ZKSCAN5: variants seen among roughly 807,000 people sequenced by gnomAD.
ZKSCAN5 encodes the protein zinc finger protein with KRAB and SCAN domains 5.
A neutral mutation model predicts 60.0 loss-of-function variants in ZKSCAN5; 28 were observed. That is an observed-to-expected ratio of 0.47 (90% CI 0.35 to 0.64). The LOEUF is 0.64. ZKSCAN5 is among the 30% of genes least tolerant of loss of function. The pLI is 0.01. For synonymous variants in ZKSCAN5, 361 were observed against 371.2 expected, an observed-to-expected ratio of 0.97 and a Z score of 0.31; for missense variants, 881 against 1,034.6, an observed-to-expected ratio of 0.85 and a Z score of 2.04.
Position 99,506,239 on chromosome 7 carries a change from G to A in ZKSCAN5, c.195G>A (p.Arg65=), listed in dbSNP as rs768105859. Residue 65 remains arginine (R), a synonymous_variant, in exon 2 of 7, where the codon CGG becomes CGA. Coordinates refer to ENST00000326775, the MANE Select transcript of ZKSCAN5 (RefSeq NM_145102.4). ...HFQYHEASGP[R]EALSQLRVLC... is the part of the protein sequence containing the mutation. ...AGTACCATGAGGCTTCAGGACCCCG[G>A]GAGGCTCTCAGCCAACTCCGGGTGC... 1 of 1,614,202 alleles carries A rather than the reference G, an allele frequency of 6.2e-7. No homozygotes were observed. Among genetic ancestry groups the A allele is most frequent in the Admixed American group, 1.7e-5 (1 of 60,022 alleles).
Position 99,531,544 on chromosome 7 carries a change from C to T in ZKSCAN5, c.1815C>T (p.Tyr605=), listed in dbSNP as rs753109388. 5 of 1,614,230 alleles carry T rather than the reference C, an allele frequency of 3.1e-6. No individual in the cohort carries two copies. The highest frequency in any genetic ancestry group is 2.2e-5 in the South Asian group (2 of 91,090). Residue 605 remains tyrosine, a synonymous_variant, in exon 7 of 7, where the codon TAC becomes TAT. Coordinates refer to ENST00000326775, the MANE Select transcript of ZKSCAN5 (RefSeq NM_145102.4). ...GCGTCCACACAGGTGAGAAGCCCTA[C>T]ACCTGTCCCTTATGTGGGAAAGCCT... ...HQRVHTGEKP[Y]TCPLCGKAFR...
At chr7:99,526,549 A>G in intron 6 of ZKSCAN5, 131 bp downstream of exon 6, 2 of 1,419,738 alleles carry the variant, frequency 1.4e-6, no homozygotes, top group Non-Finnish European at 1.9e-6. Flanking sequence ...GTTATCGTTT[A>G]TTTGGTTCTT....
intron 6 of ZKSCAN5, among the ~76,000 whole-genome samples, chr7:99,530,034 C>G (rs932201244): frequency 5.7e-5 from 6 of 105,146 alleles, no homozygotes; most frequent in African/African-American, 2.4e-4. Context: ...TGCACCCGGC[C>G]TTTTTTTTTT....
At chr7:99,520,055 C>T in intron 4 of ZKSCAN5, 114 bp from the exon 5 acceptor site, 5 of 1,512,054 alleles carry the variant, frequency 3.3e-6, no homozygotes, top group East Asian at 4.5e-5. Context: ...CCTTCCCCAT[C>T]CTCTTTGAGG....
chr7:99,514,510 GC>G (rs1285651413), intron 3 of ZKSCAN5, among the ~76,000 whole-genome samples: 1 of 152,184 alleles, frequency 6.6e-6, no homozygotes, highest in Non-Finnish European at 1.5e-5. Context: ...GTAGCTTCAT[GC>G]CTGTAATTCC....
At chr7:99,509,367 A>G (rs1584166642) in intron 2 of ZKSCAN5, among the ~76,000 whole-genome samples, 2 of 151,770 alleles carry the variant, frequency 1.3e-5, no homozygotes, top group African/African-American at 4.8e-5. Flanking sequence ...CAGGTGATCC[A>G]CCTGCCTTGG....
chr7:99,522,420 A>G (rs1462770683), intron 5 of ZKSCAN5, among the ~76,000 whole-genome samples: 1 of 152,026 alleles, frequency 6.6e-6, no homozygotes, highest in Non-Finnish European at 1.5e-5. Flanking sequence ...AAAGGGGAAG[A>G]GAGTCCTGGT....
At chr7:99,526,559 T>G in intron 6 of ZKSCAN5, 141 bp downstream of exon 6, 3 of 1,394,740 alleles carry the variant, frequency 2.2e-6, no homozygotes, top group Non-Finnish European at 2.9e-6. Context: ...ATTTGGTTCT[T>G]ATGTATTTAT....
rs1802134816 is a variant in ZKSCAN5, at chr7:99,533,287, C to T, written c.*1038C>T. 3.0e-6 allele frequency: 2 copies of T among 674,238 alleles called. No individual in the cohort carries two copies. Among genetic ancestry groups the T allele is most frequent in the African/African-American group, 1.8e-5 (1 of 56,738 alleles). The allele number at this position is 674,238 out of a possible 1,614,324, so 41.8% of individuals were successfully genotyped here. On this transcript the variant is annotated 3_prime_UTR_variant, in exon 7 of 7. Transcript: ENST00000326775. The stretch of plus-strand genomic sequence containing the variant: ...AGGCAGGAGGTCCTGTTAGCCCTGC[C>T]TTCCAGGAAGGTTGGGGTGGGAGTT...
chr7:99,526,219 G>A lies in ZKSCAN5; in HGVS notation c.1179G>A (p.Gln393=), dbSNP rs776039798. Residue 393 remains glutamine, a synonymous_variant, in exon 6 of 7, where the codon CAG becomes CAA. Coordinates refer to ENST00000326775, the MANE Select transcript of ZKSCAN5 (RefSeq NM_145102.4). The part of the protein sequence containing the change: ...YNQRVHLTQH[Q]RVHTGEKPYK... Reference sequence around the variant, plus strand: ...AGCGGGTGCACCTCACCCAGCACCAGCGCGTCCACACAGGGGAGAAACCCT... The same window carrying A: ...AGCGGGTGCACCTCACCCAGCACCAACGCGTCCACACAGGGGAGAAACCCT... The A allele has an allele frequency of 1.9e-6, 3 of 1,614,190 alleles. No homozygotes were observed. Among genetic ancestry groups the A allele is most frequent in the Non-Finnish European group, 2.5e-6 (3 of 1,180,038 alleles).
intron 6 of ZKSCAN5, among the ~76,000 whole-genome samples, chr7:99,529,119 C>T (rs1259501288): frequency 1.3e-5 from 2 of 152,088 alleles, no homozygotes; most frequent in African/African-American, 2.4e-5. Context: ...TGTCAGTTCT[C>T]ACCACCCAGT....
intron 2 of ZKSCAN5, among the ~76,000 whole-genome samples, chr7:99,511,683 T>C (rs1157561765): frequency 6.6e-6 from 1 of 151,526 alleles, no homozygotes; most frequent in African/African-American, 2.4e-5. Context: ...GCTCAAGCGA[T>C]CCTCCTGCTT....
rs1340360276 is a variant in ZKSCAN5, at chr7:99,532,257, C to T, written c.*8C>T. On this transcript the variant is annotated 3_prime_UTR_variant, in exon 7 of 7. Coordinates refer to ENST00000326775, the MANE Select transcript of ZKSCAN5 (RefSeq NM_145102.4). ...GAGGGGTCTCTGTTGTAGAATAGCT[C>T]TTAATTTTAGAGAAACCTTCCTGGA... 1 of 1,541,912 alleles carries T rather than the reference C, an allele frequency of 6.5e-7. No individual in the cohort carries two copies.
intron 5 of ZKSCAN5, among the ~76,000 whole-genome samples, chr7:99,524,891 G>A (rs1801702758): frequency 6.6e-6 from 1 of 152,002 alleles, no homozygotes; most frequent in African/African-American, 2.4e-5. Flanking sequence ...AGTCGTGACT[G>A]GGCGCGGTGG....
intron 5 of ZKSCAN5, among the ~76,000 whole-genome samples, chr7:99,524,354 G>C (rs562252172): frequency 6.6e-6 from 1 of 151,910 alleles, no homozygotes; most frequent in Admixed American, 6.6e-5. Flanking sequence ...GATTACAGGC[G>C]TGAGCCACCA....
intron 3 of ZKSCAN5, chr7:99,513,688 C>T (rs187458795): frequency 0.01 from 2,557 of 249,764 alleles, 26 homozygotes; most frequent in South Asian, 0.016. Flanking sequence ...CCACTGCGCT[C>T]AGCCTCCCTC....
At chr7:99,512,323 G>A in intron 2 of ZKSCAN5, 130 bp from the exon 3 acceptor site, 1 of 1,175,160 alleles carries the variant, frequency 8.5e-7, no homozygotes, top group Non-Finnish European at 1.2e-6. Flanking sequence ...TGCATAATCA[G>A]TGCGTGGCTC....
chr7:99,512,431 C>T lies in ZKSCAN5; in HGVS notation c.415-22C>T, dbSNP rs566258957. 4.2e-5 allele frequency: 68 copies of T among 1,610,914 alleles called. 1 individual carries two copies. Among genetic ancestry groups the T allele is most frequent in the South Asian group, 2.9e-4 (26 of 90,770 alleles). ...TGGCCTTCTCTGTAACTGTACTGAT[C>T]GGTTTTGGTTGTGGTTGTTAGATTG... On this transcript the variant is annotated intron_variant, in intron 2 of 6. Transcript: ENST00000326775.
intron 5 of ZKSCAN5, among the ~76,000 whole-genome samples, chr7:99,522,766 C>T (rs1801595249): frequency 6.6e-6 from 1 of 151,582 alleles, no homozygotes; most frequent in Admixed American, 6.6e-5. Context: ...GGATTACAGG[C>T]GTGAGCCACC....
Sources: allele counts gnomAD v4.1 joint callset (sites outside exome capture counted in the v4.1 genomes callset), GRCh38; gene constraint gnomAD v4.1.1; transcripts MANE v1.5; gene names NCBI Gene and HGNC (gene_info 2026-07-23, HGNC 2026-07-21).